The following PDE7A variants were observed in gnomAD, a reference collection of about 807,000 sequenced individuals.
PDE7A encodes the protein phosphodiesterase 7A.
A neutral mutation model predicts 64.3 loss-of-function variants in PDE7A; 39 were observed. That is an observed-to-expected ratio of 0.61 (90% CI 0.47 to 0.79). The LOEUF is 0.79. Among genes scored for constraint, PDE7A ranks in the 30% least tolerant of loss-of-function variants. PDE7A has a pLI of 0.00. For synonymous variants in PDE7A, 203 were observed against 206.8 expected, an observed-to-expected ratio of 0.98 and a Z score of 0.16; for missense variants, 470 against 582.8, an observed-to-expected ratio of 0.81 and a Z score of 1.99.
At chr8:65,801,132 C>A (rs1044861232) in intron 1 of PDE7A, among the ~76,000 whole-genome samples, 1 of 152,010 alleles carries the variant, frequency 6.6e-6, no homozygotes, top group African/African-American at 2.4e-5. Flanking sequence ...CACAGTGAGA[C>A]CCCCAAAGGC....
At chr8:65,798,202 A>ATTT (rs1357141539) in intron 1 of PDE7A, among the ~76,000 whole-genome samples, 5 of 24,570 alleles carry the variant, frequency 2.0e-4, no homozygotes, top group Admixed American at 7.3e-4. Context: ...ATATATATAT[A>ATTT]TATATTTTTT....
intron 1 of PDE7A, among the ~76,000 whole-genome samples, chr8:65,786,152 A>G (rs1466058544): frequency 2.0e-5 from 3 of 152,176 alleles, no homozygotes; most frequent in Non-Finnish European, 4.4e-5. Context: ...AATAGATACA[A>G]ATTACATAGG....
intron 1 of PDE7A, among the ~76,000 whole-genome samples, chr8:65,808,202 C>G (rs1040598999): frequency 1.3e-5 from 2 of 152,170 alleles, no homozygotes; most frequent in Non-Finnish European, 2.9e-5. Flanking sequence ...TTGGCAAGCA[C>G]CATTTTTCTT....
intron 9 of PDE7A, among the ~76,000 whole-genome samples, chr8:65,725,125 A>G (rs1806559156): frequency 6.6e-6 from 1 of 152,156 alleles, no homozygotes; most frequent in African/African-American, 2.4e-5. Flanking sequence ...TAAAACCAAG[A>G]GTTTGTAGGA....
At chr8:65,732,294 C>G (rs1436659908) in intron 7 of PDE7A, among the ~76,000 whole-genome samples, 1 of 152,102 alleles carries the variant, frequency 6.6e-6, no homozygotes, top group African/African-American at 2.4e-5. Flanking sequence ...CCACCATGCC[C>G]AGCCACTAAC....
At chr8:65,818,638 T>G (rs558266210) in intron 1 of PDE7A, among the ~76,000 whole-genome samples, 3 of 152,248 alleles carry the variant, frequency 2.0e-5, no homozygotes, top group African/African-American at 7.2e-5. Flanking sequence ...TTGCTCTGAG[T>G]TGAACTTCCC....
rs1806082631 is a variant in PDE7A at position 65,715,195 on chromosome 8, C to CAA, written c.*4094_*4095insTT. 1.3e-5 allele frequency among the ~76,000 whole-genome samples: 2 copies of CAA among 151,852 alleles called. No individual in the cohort carries two copies. The highest frequency in any genetic ancestry group is 2.9e-5 in the Non-Finnish European group (2 of 67,964). ...AATCTTTTAAATATTTAACTGTTTCCTAAAATTTTTTAGAAAAAAATATTC... is the reference window on the plus strand; with the variant it reads ...AATCTTTTAAATATTTAACTGTTTCCAATAAAATTTTTTAGAAAAAAATATTC... On this transcript the variant is annotated 3_prime_UTR_variant, in exon 13 of 13. Coordinates refer to ENST00000401827, the MANE Select transcript of PDE7A (RefSeq NM_001242318.3).
chr8:65,739,257 A>G (rs1206446677), intron 6 of PDE7A, among the ~76,000 whole-genome samples: 1 of 152,222 alleles, frequency 6.6e-6, no homozygotes, highest in East Asian at 1.9e-4. Context: ...GGTCTCTACA[A>G]AACCAACATG....
At chr8:65,781,507 T>C (rs1467765154) in intron 2 of PDE7A, among the ~76,000 whole-genome samples, 1 of 151,526 alleles carries the variant, frequency 6.6e-6, no homozygotes, top group East Asian at 1.9e-4. Context: ...AGTTAAGGAG[T>C]AAGTAATAAA....
chr8:65,750,422 C>CTG (rs960978662), intron 3 of PDE7A, among the ~76,000 whole-genome samples: 35 of 150,396 alleles, frequency 2.3e-4, no homozygotes, highest in African/African-American at 7.9e-4. Context: ...ATTAGGATTG[C>CTG]TGTGTGTGTG....
At chr8:65,753,062 G>A (rs998691518) in intron 3 of PDE7A, among the ~76,000 whole-genome samples, 1 of 152,030 alleles carries the variant, frequency 6.6e-6, no homozygotes, top group Non-Finnish European at 1.5e-5. Flanking sequence ...TAAAGCTATT[G>A]TTTAATTTAA....
chr8:65,833,649 C>A (rs187196762), intron 1 of PDE7A, among the ~76,000 whole-genome samples: 1 of 152,108 alleles, frequency 6.6e-6, no homozygotes, highest in Non-Finnish European at 1.5e-5. Context: ...CTTAATCTCA[C>A]GGAGTTTTTG....
chr8:65,735,555 C>T (rs1448858716), intron 6 of PDE7A, among the ~76,000 whole-genome samples: 1 of 152,188 alleles, frequency 6.6e-6, no homozygotes, highest in Non-Finnish European at 1.5e-5. Flanking sequence ...AAGGAGTCCA[C>T]CTGCCTTGGC....
intron 5 of PDE7A, among the ~76,000 whole-genome samples, chr8:65,741,647 T>C (rs886957790): frequency 2.0e-5 from 3 of 152,226 alleles, no homozygotes; most frequent in Admixed American, 2.0e-4. Context: ...ATATGCTCTA[T>C]TGGTACAAAC....
chr8:65,826,220 G>A (rs1403468699), intron 1 of PDE7A, among the ~76,000 whole-genome samples: 1 of 152,202 alleles, frequency 6.6e-6, no homozygotes, highest in Non-Finnish European at 1.5e-5. Flanking sequence ...ACTGTGATGA[G>A]AACACACTGA....
intron 7 of PDE7A, among the ~76,000 whole-genome samples, chr8:65,731,869 TATGGCTGACTCCTTA>T (rs1232924375): frequency 6.6e-6 from 1 of 152,204 alleles, no homozygotes; most frequent in Non-Finnish European, 1.5e-5. Context: ...TGGACTTTCT[TATGGCTGACTCCTTA>T]GTTATGTACT....
At position 65,719,320 on chromosome 8, in the gene PDE7A, CTG is replaced by C. The variant is rs1241968805; in HGVS notation, c.1417_1418del (p.Gln473ValfsTer39). The stretch of plus-strand genomic sequence containing the variant: ...ATAACCGATTTTCCTGAGGTAATAA[CTG>C]TGAGTTCAACTCAAATGCAGCATCA... ...DTDAAFELNSQLLPQENRLS is the reference protein window; with the variant it reads ...DTDAAFELNSXLLPQENRLS On this transcript the variant is annotated frameshift_variant, in exon 13 of 13. Coordinates refer to ENST00000401827, the MANE Select transcript of PDE7A (RefSeq NM_001242318.3). LOFTEE classifies it high-confidence loss of function. 2 of 1,613,868 alleles carry C rather than the reference CTG, an allele frequency of 1.2e-6. No individual in the cohort carries two copies. Among genetic ancestry groups the C allele is most frequent in the East Asian group, 2.2e-5 (1 of 44,892 alleles).
intron 3 of PDE7A, among the ~76,000 whole-genome samples, chr8:65,764,079 C>G (rs1433462444): frequency 6.6e-6 from 1 of 152,140 alleles, no homozygotes; most frequent in Non-Finnish European, 1.5e-5. Flanking sequence ...GCAGAATGCT[C>G]TGTGTCCTAA....
intron 3 of PDE7A, among the ~76,000 whole-genome samples, chr8:65,766,642 T>G (rs1443407411): frequency 1.3e-5 from 2 of 152,212 alleles, no homozygotes; most frequent in East Asian, 3.9e-4. Flanking sequence ...TGCATCACCC[T>G]CTCTCTATTT....
Sources: gnomAD v4.1 joint callset for allele counts (sites outside exome capture counted in the v4.1 genomes callset) on GRCh38, gnomAD v4.1.1 for gene constraint, MANE v1.5 for transcripts, NCBI Gene and HGNC (gene_info 2026-07-23, HGNC 2026-07-21) for gene names.